FAM110A: variants seen among roughly 807,000 people sequenced by gnomAD.
FAM110A encodes the protein protein FAM110A.
In FAM110A, 1 loss-of-function variant was observed where a neutral mutation model predicts 4.0. The observed-to-expected ratio is 0.25, with a 90% CI of 0.09 to 1.20. FAM110A has a LOEUF of 1.20. Among genes scored for constraint, FAM110A ranks in the 50% most tolerant of loss-of-function variants. The probability of loss-of-function intolerance (pLI) is 0.50; values close to 1 mark genes in which losing one functional copy is unlikely to be tolerated. For missense variants in FAM110A, 436 were observed against 429.2 expected (o/e 1.02, Z -0.14); for synonymous variants, 217 against 196.8 (o/e 1.10, Z -0.86).
chr20:845,071 C>G lies in FAM110A; in HGVS notation c.267C>G (p.Ser89Arg). The G allele has an allele frequency of 6.3e-7, 1 of 1,595,664 alleles. No homozygotes were observed. The highest frequency in any genetic ancestry group is 8.5e-7 in the Non-Finnish European group (1 of 1,172,284). Residue 89 changes from serine (S) to arginine (R), a missense_variant, in exon 2 of 2, where the codon AGC becomes AGG. Physicochemically the swap from Ser to Arg is moderately radical, Grantham distance 110 (BLOSUM62 -1). Coordinates refer to ENST00000381941, the MANE Select transcript of FAM110A (RefSeq NM_001042353.3). ...CTCGCCGCACAGTGCTCACGCCCAG[C>G]CGCCGAGCCCTGCCTGGCCCCTGCC... ...PETRRTVLTP[S>R]RRALPGPCRR...
Position 846,026 on chromosome 20 carries a change from C to T in FAM110A, c.*334C>T, listed in dbSNP as rs1980339838. On this transcript the variant is annotated 3_prime_UTR_variant, in exon 2 of 2. Transcript: ENST00000381941. ...CACTGTGAGTGAGGGGCCAAGGGATCTCCTCAATCCTGTCTCCCCAGCGGC... is the reference window on the plus strand; with the variant it reads ...CACTGTGAGTGAGGGGCCAAGGGATTTCCTCAATCCTGTCTCCCCAGCGGC... 3.2e-6 allele frequency: 1 copy of T among 315,152 alleles called. No homozygotes were observed. Among genetic ancestry groups the T allele is most frequent in the East Asian group, 9.1e-5 (1 of 11,030 alleles). The allele number at this position is 315,152 out of a possible 1,614,324, so 19.5% of individuals were successfully genotyped here. A position where few individuals can be genotyped will look rare whatever the true frequency, so the allele number is the denominator to read the frequency against.
intron 1 of FAM110A, among the ~76,000 whole-genome samples, chr20:838,157 T>C (rs1979680819): frequency 6.6e-6 from 1 of 152,096 alleles, no homozygotes; most frequent in African/African-American, 2.4e-5. Context: ...CACTCCAACC[T>C]GGGCAACACA....
At position 845,443 on chromosome 20, in the gene FAM110A, G is replaced by C. The variant is rs1161219752; in HGVS notation, c.639G>C (p.Pro213=). 2 of 1,613,692 alleles carry C rather than the reference G, an allele frequency of 1.2e-6. No individual in the cohort carries two copies. Among genetic ancestry groups the C allele is most frequent in the Non-Finnish European group, 1.7e-6 (2 of 1,179,854 alleles). ...ERFFNFCGLD[P]EEARGLGVAH... ...TTTTTAACTTCTGCGGCCTGGACCC[G>C]GAGGAGGCGAGAGGGTTGGGTGTGG... is the stretch of plus-strand genomic sequence containing the variant. Residue 213 remains proline (P), a synonymous_variant, in exon 2 of 2, where the codon CCG becomes CCC. Transcript: ENST00000381941.
At position 835,164 on chromosome 20, in the gene FAM110A, ATCTCTCTCTCTCTC is replaced by A. The variant is rs143746608; in HGVS notation, c.-98+1237_-98+1250del. The stretch of plus-strand genomic sequence containing the variant: ...AGCCTTCATGAAGTGCAGTCCTCCC[ATCTCTCTCTCTCTC>A]TCTCTCTCTCTCTCTCTCTCTCTAT... On this transcript the variant is annotated intron_variant, in intron 1 of 1. Transcript: ENST00000381941. Among the ~76,000 whole-genome samples the A allele has an allele frequency of 9.0e-4, 123 of 136,338 alleles. 1 individual carries two copies. The highest frequency in any genetic ancestry group is 2.9e-3 in the African/African-American group (105 of 36,014). 89.4% of individuals were successfully genotyped at this position (136,338 alleles called of 152,430 possible).
intron 1 of FAM110A, among the ~76,000 whole-genome samples, chr20:835,209 TATATACACACACAC>T (rs1362652684): frequency 4.7e-5 from 7 of 149,760 alleles, no homozygotes; most frequent in South Asian, 2.1e-4. Context: ...TCTATATATA[TATATACACACACAC>T]ATATATACAC....
At position 844,897 on chromosome 20, in the gene FAM110A, G is replaced by T. The variant is rs1278667120; in HGVS notation, c.93G>T (p.Gly31=). ...RTRVPGYLLR[G]PADGGARKPS... is the part of the protein sequence containing the mutation. ...GGGTCCCTGGCTACCTGCTACGGGG[G>T]CCGGCAGATGGTGGAGCCCGGAAAC... Residue 31 remains glycine (G), a synonymous_variant, in exon 2 of 2, where the codon GGG becomes GGT. Transcript: ENST00000381941. 1.9e-6 allele frequency: 3 copies of T among 1,557,216 alleles called. No individual in the cohort carries two copies. The highest frequency in any genetic ancestry group is 2.6e-6 in the Non-Finnish European group (3 of 1,151,604).
chr20:839,995 C>T, intron 1 of FAM110A: 1 of 1,210,456 alleles, frequency 8.3e-7, no homozygotes, highest in Non-Finnish European at 1.2e-6. Flanking sequence ...GCTGTAGGGT[C>T]CGGGGCTGGG....
In FAM110A at chr20:844,394, T is replaced by C. The variant is rs954853957; in HGVS notation, c.-97-314T>C. Among the ~76,000 whole-genome samples, 4 of 152,118 alleles carry C rather than the reference T, an allele frequency of 2.6e-5. No individual in the cohort carries two copies. The East Asian group carries it at 7.8e-4, about 29-fold the overall frequency. On this transcript the variant is annotated intron_variant, in intron 1 of 1. Transcript: ENST00000381941. ...CGTAGCACAGAGCCTGGAGCCTCCC[T>C]TGCTCCCTTTAGCGCGTGCCTTGCC...
rs890478202 is a variant in FAM110A at position 844,863 on chromosome 20, T to C, written c.59T>C (p.Leu20Pro). 6.5e-7 allele frequency: 1 copy of C among 1,540,092 alleles called. No homozygotes were observed. The highest frequency in any genetic ancestry group is 2.0e-5 in the Admixed American group (1 of 49,636). Residue 20 changes from leucine (L) to proline (P), a missense_variant, in exon 2 of 2, where the codon CTG becomes CCG. Transcript: ENST00000381941. ...APSAPALPCR[L>P]RTRVPGYLLR... Reference sequence around the variant, plus strand: ...TCCGCCCCCGCCCTACCTTGCCGCCTGCGGACCAGGGTCCCTGGCTACCTG... The same window carrying C: ...TCCGCCCCCGCCCTACCTTGCCGCCCGCGGACCAGGGTCCCTGGCTACCTG...
intron 1 of FAM110A, chr20:839,538 G>T: frequency 9.7e-7 from 1 of 1,029,294 alleles, no homozygotes; most frequent in Non-Finnish European, 1.5e-6. Context: ...TTTCTTGTCA[G>T]CACCAGGGGG....
intron 1 of FAM110A, among the ~76,000 whole-genome samples, chr20:838,514 A>G (rs1979703358): frequency 7.8e-6 from 1 of 128,838 alleles, no homozygotes; most frequent in Middle Eastern, 3.5e-3. Context: ...TATATTTCCT[A>G]TCCTAGATAA....
intron 1 of FAM110A, among the ~76,000 whole-genome samples, chr20:839,065 C>T (rs1052353816): frequency 6.6e-6 from 1 of 152,070 alleles, no homozygotes; most frequent in African/African-American, 2.4e-5. Flanking sequence ...GTGGTTTCTC[C>T]CTCTGGGGTC....
chr20:837,242 G>C (rs1287967825), intron 1 of FAM110A, among the ~76,000 whole-genome samples: 3 of 151,764 alleles, frequency 2.0e-5, no homozygotes, highest in African/African-American at 7.3e-5. Flanking sequence ...TAGTAGAGAC[G>C]GGGTTTCATC....
At position 840,872 on chromosome 20, in the gene FAM110A, A is replaced by C. The variant is rs1239413813; in HGVS notation, c.-97-3836A>C. Among the ~76,000 whole-genome samples, 3 of 152,200 alleles carry C rather than the reference A, an allele frequency of 2.0e-5. No individual in the cohort carries two copies. Among genetic ancestry groups the C allele is most frequent in the Non-Finnish European group, 4.4e-5 (3 of 68,034 alleles). ...ATGGGGTAACAATAGAACTCACCAG[A>C]TAGTGATTGTTGGGAAGATTAAAAT... On this transcript the variant is annotated intron_variant, in intron 1 of 1. Transcript: ENST00000381941. This position sits in a 1 kb window ranked among gnomAD's most constrained non-coding sequence, Gnocchi z 4.4.
At position 845,854 on chromosome 20, in the gene FAM110A, G is replaced by C; in HGVS notation, c.*162G>C. The C allele has an allele frequency of 7.1e-7, 1 of 1,415,348 alleles. No individual in the cohort carries two copies. Among genetic ancestry groups the C allele is most frequent in the Non-Finnish European group, 9.4e-7 (1 of 1,067,260 alleles). 87.7% of individuals were successfully genotyped at this position (1,415,348 alleles called of 1,614,324 possible). On this transcript the variant is annotated 3_prime_UTR_variant, in exon 2 of 2. Transcript: ENST00000381941. Reference sequence around the variant, plus strand: ...TTAGAGGCTGGACCAGCATTGTTGGGCAAGGACTGACTCTCCAAGGGTTTT... The same window carrying C: ...TTAGAGGCTGGACCAGCATTGTTGGCCAAGGACTGACTCTCCAAGGGTTTT...
chr20:839,273 A>T (rs1979740898), intron 1 of FAM110A, among the ~76,000 whole-genome samples: 1 of 152,170 alleles, frequency 6.6e-6, no homozygotes, highest in Non-Finnish European at 1.5e-5. Flanking sequence ...CAGTTTTCTC[A>T]TCTGAAAATG....
chr20:843,177 T>C (rs1015494394), intron 1 of FAM110A, among the ~76,000 whole-genome samples: 2 of 152,126 alleles, frequency 1.3e-5, no homozygotes, highest in African/African-American at 4.8e-5. Flanking sequence ...GCCTTATTTA[T>C]CTATTCTGGG....
rs771289212 is a variant in FAM110A, at chr20:845,052, G to A, written c.248G>A (p.Arg83His). Reference protein sequence around the residue: ...KQPLFSPETRRTVLTPSRRAL... With the variant: ...KQPLFSPETRHTVLTPSRRAL... ...CCGCTCTTTAGCCCTGAGACTCGCC[G>A]CACAGTGCTCACGCCCAGCCGCCGA... Residue 83 changes from arginine (R) to histidine (H), a missense_variant, in exon 2 of 2, where the codon CGC becomes CAC. Transcript: ENST00000381941. 12 of 1,593,302 alleles carry A rather than the reference G, an allele frequency of 7.5e-6. No individual in the cohort carries two copies. The highest frequency in any genetic ancestry group is 9.4e-6 in the Non-Finnish European group (11 of 1,171,084).
intron 1 of FAM110A, among the ~76,000 whole-genome samples, chr20:838,847 T>G (rs1600005883): frequency 1.5e-5 from 2 of 137,930 alleles, no homozygotes; most frequent in African/African-American, 2.8e-5. Flanking sequence ...TGAGACAGAG[T>G]CTTGCTCTGT....
Sources: allele counts gnomAD v4.1 joint callset (sites outside exome capture counted in the v4.1 genomes callset), GRCh38; gene constraint gnomAD v4.1.1; non-coding constraint Gnocchi (gnomAD v3.1); transcripts MANE v1.5; gene names NCBI Gene and HGNC (gene_info 2026-07-23, HGNC 2026-07-21).